Variants in LYVE1 observed in about 807,000 individuals in gnomAD.
LYVE1 encodes lymphatic vessel endothelial hyaluronan receptor 1.
A neutral mutation model predicts 31.5 loss-of-function variants in LYVE1; 29 were observed. The observed-to-expected ratio is 0.92, with a 90% CI of 0.69 to 1.26. LYVE1 has a LOEUF of 1.26. LYVE1 is among the 50% of genes most tolerant of loss of function. The probability of loss-of-function intolerance (pLI) is 0.00; values close to 1 mark genes in which losing one functional copy is unlikely to be tolerated. For missense variants in LYVE1, 376 were observed against 380.2 expected, an observed-to-expected ratio of 0.99 and a Z score of 0.09; for synonymous variants, 134 against 139.4, an observed-to-expected ratio of 0.96 and a Z score of 0.27.
Position 10,564,202 on chromosome 11 carries a change from C to A in LYVE1, c.257+1G>T. 1 of 1,613,908 alleles carries A rather than the reference C, an allele frequency of 6.2e-7. No homozygotes were observed. The highest frequency in any genetic ancestry group is 1.3e-5 in the African/African-American group (1 of 75,054). ...TGACAGTGAAACCAGCTTTTTCTCA[C>A]CTGCAAGTTTCAAAGCTAGCTTTCA... On this transcript the variant is annotated splice_donor_variant, in intron 2 of 5. Coordinates refer to ENST00000256178, the MANE Select transcript of LYVE1 (RefSeq NM_006691.4). LOFTEE classifies it high-confidence loss of function.
Position 10,559,298 on chromosome 11 carries a change from C to T in LYVE1, c.783-1G>A. On this transcript the variant is annotated splice_acceptor_variant, in intron 5 of 5. Transcript: ENST00000256178. LOFTEE classifies it high-confidence loss of function. ...TGTAAAAGGGAAGGCCTTCACATAC[C>T]TTTAGGCAGAAACATGAAATTAAAG... is the stretch of plus-strand genomic sequence containing the variant. 2 of 1,610,170 alleles carry T rather than the reference C, an allele frequency of 1.2e-6. No homozygotes were observed. Among genetic ancestry groups the T allele is most frequent in the Non-Finnish European group, 1.7e-6 (2 of 1,178,490 alleles).
At chr11:10,563,878 C>A in intron 3 of LYVE1, 62 bp downstream of exon 3, 1 of 1,594,870 alleles carries the variant, frequency 6.3e-7, no homozygotes, top group South Asian at 1.1e-5. Flanking sequence ...TCTTCCCAGA[C>A]AGGTCTCAGA....
intron 1 of LYVE1, 124 bp downstream of exon 1, chr11:10,568,324 A>C (rs2134017413): frequency 1.2e-6 from 1 of 807,934 alleles, no homozygotes; most frequent in South Asian, 2.4e-5. Flanking sequence ...GCAGAGCAGT[A>C]CCACCAATTA....
intron 5 of LYVE1, 129 bp downstream of exon 5, chr11:10,559,687 A>G (rs1850378463): frequency 1.4e-6 from 1 of 713,032 alleles, no homozygotes; most frequent in Admixed American, 2.7e-5. Flanking sequence ...AGATGAGATG[A>G]GGGAGAAATT....
chr11:10,563,808 C>T (rs537475886), intron 3 of LYVE1, 132 bp downstream of exon 3: 2 of 1,156,926 alleles, frequency 1.7e-6, no homozygotes, highest in South Asian at 2.8e-5. Context: ...GCCAGAGAGA[C>T]AGTGTCGGGA....
At position 10,568,429 on chromosome 11, in the gene LYVE1, A is replaced by C; in HGVS notation, c.85+19T>G. On this transcript the variant is annotated intron_variant, in intron 1 of 5. Transcript: ENST00000256178. ...GACTGAAGCCTTGCTTCAGTTTGGA[A>C]ATCTGGTGAGAAACCTACCTTCTGC... 1 of 1,612,848 alleles carries C rather than the reference A, an allele frequency of 6.2e-7. No homozygotes were observed. Among genetic ancestry groups the C allele is most frequent in the South Asian group, 1.1e-5 (1 of 90,986 alleles).
chr11:10,567,280 C>T (rs759087709), intron 1 of LYVE1, among the ~76,000 whole-genome samples: 1 of 152,176 alleles, frequency 6.6e-6, no homozygotes, highest in Non-Finnish European at 1.5e-5. Flanking sequence ...CATGGTTATG[C>T]TGACTTTTGG....
Position 10,564,197 on chromosome 11 carries a change from T to G in LYVE1, c.257+6A>C. 6.2e-7 allele frequency: 1 copy of G among 1,613,882 alleles called. No individual in the cohort carries two copies. The highest frequency in any genetic ancestry group is 8.5e-7 in the Non-Finnish European group (1 of 1,179,778). Reference sequence around the variant, plus strand: ...AGCAGTGACAGTGAAACCAGCTTTTTCTCACCTGCAAGTTTCAAAGCTAGC... The same window carrying G: ...AGCAGTGACAGTGAAACCAGCTTTTGCTCACCTGCAAGTTTCAAAGCTAGC... On this transcript the variant is annotated splice_donor_region_variant and intron_variant, in intron 2 of 5. Transcript: ENST00000256178.
At chr11:10,565,217 C>T (rs910577924) in intron 1 of LYVE1, among the ~76,000 whole-genome samples, 1 of 152,168 alleles carries the variant, frequency 6.6e-6, no homozygotes. Flanking sequence ...TTATCATTAT[C>T]GTTAAAGCAT....
rs1029365465 is a variant in LYVE1 at position 10,560,507 on chromosome 11, C to A, written c.691G>T (p.Ala231Ser). The A allele has an allele frequency of 8.1e-6, 13 of 1,606,394 alleles. No homozygotes were observed. In the Admixed American group the frequency reaches 1.5e-4, roughly 19 times the overall value. The change falls in exon 4 of 6, where the codon GCT becomes TCT. Residue 231 changes from alanine to serine, a missense_variant. Transcript: ENST00000256178. ...ENKAAFKNEAAGFGGVPTALL... is the reference protein window; with the variant it reads ...ENKAAFKNEASGFGGVPTALL... ...AGAAACCATTTACCTCCAAACCCAG[C>A]AGCTTCATTCTTGAATGCTGCTTTA...
chr11:10,563,812 G>T, intron 3 of LYVE1, 128 bp downstream of exon 3: 2 of 1,193,306 alleles, frequency 1.7e-6, no homozygotes, highest in Non-Finnish European at 2.4e-6. Flanking sequence ...GAGAGACAGT[G>T]TCGGGAGAAT....
At position 10,557,833 on chromosome 11, in the gene LYVE1, G is replaced by A. The variant is rs1161346147; in HGVS notation, c.*1278C>T. On this transcript the variant is annotated 3_prime_UTR_variant, in exon 6 of 6. Coordinates refer to ENST00000256178, the MANE Select transcript of LYVE1 (RefSeq NM_006691.4). ...GTCCTCACTTTAATTTTACATGAAA[G>A]GTATAATGCATCTACGTAAATAAGA... The A allele has an allele frequency of 6.6e-6, 1 of 152,108 alleles. No individual in the cohort carries two copies. The highest frequency in any genetic ancestry group is 2.4e-5 in the African/African-American group (1 of 41,410). The allele number at this position is 152,108 out of a possible 1,614,324, so 9.4% of individuals were successfully genotyped here.
Position 10,568,528 on chromosome 11 carries a change from G to C in LYVE1, c.5C>G (p.Ala2Gly), listed in dbSNP as rs1199189534. 1 of 1,613,762 alleles carries C rather than the reference G, an allele frequency of 6.2e-7. No individual in the cohort carries two copies. Among genetic ancestry groups the C allele is most frequent in the South Asian group, 1.1e-5 (1 of 91,022 alleles). Residue 2 changes from alanine (A) to glycine (G), a missense_variant, in exon 1 of 6, where the codon GCC becomes GGC. Physicochemically the swap from Ala to Gly is moderately conservative, Grantham distance 60. Transcript: ENST00000256178. ...AAGCAACACCAGGCTGAAGCACCTG[G>C]CCATCGTGCCTACCCCTTCAGAGCC... is the stretch of plus-strand genomic sequence containing the variant. The part of the protein sequence containing the change: M[A>G]RCFSLVLLLT...
intron 1 of LYVE1, 31 bp downstream of exon 1, chr11:10,568,417 C>A: frequency 6.2e-7 from 1 of 1,611,536 alleles, no homozygotes; most frequent in Non-Finnish European, 8.5e-7. Flanking sequence ...TGAAGCCTTG[C>A]TTCAGTTTGG....
intron 4 of LYVE1, among the ~76,000 whole-genome samples, chr11:10,560,226 C>G (rs547029785): frequency 2.0e-5 from 3 of 152,160 alleles, no homozygotes; most frequent in Admixed American, 6.5e-5. Context: ...TTAAAAAGAA[C>G]TTATGCATAG....
chr11:10,558,973 T>C lies in LYVE1; in HGVS notation c.*138A>G. 1 of 751,042 alleles carries C rather than the reference T, an allele frequency of 1.3e-6. No individual in the cohort carries two copies. The highest frequency in any genetic ancestry group is 2.3e-6 in the Non-Finnish European group (1 of 444,026). 46.5% of individuals were successfully genotyped at this position (751,042 alleles called of 1,614,324 possible). ...GGTGCACTCCATAGTCCAATGGCAG[T>C]CCTGAGCTGATTCCAGTTAGGAACC... On this transcript the variant is annotated 3_prime_UTR_variant, in exon 6 of 6. Coordinates refer to ENST00000256178, the MANE Select transcript of LYVE1 (RefSeq NM_006691.4).
chr11:10,566,475 A>G (rs2134014853), intron 1 of LYVE1, among the ~76,000 whole-genome samples: 1 of 152,282 alleles, frequency 6.6e-6, no homozygotes, highest in East Asian at 1.9e-4. Context: ...ATGAACACAC[A>G]CAGACACACA....
intron 1 of LYVE1, 77 bp from the exon 2 acceptor site, chr11:10,564,451 T>C (rs1591515948): frequency 1.4e-6 from 2 of 1,391,610 alleles, no homozygotes; most frequent in East Asian, 2.3e-5. Context: ...CCCAGCAGAG[T>C]ATATCGTCCT....
chr11:10,560,885 C>A, intron 3 of LYVE1, 85 bp from the exon 4 acceptor site: 1 of 1,050,144 alleles, frequency 9.5e-7, no homozygotes, highest in Non-Finnish European at 1.4e-6. Context: ...TACCTCCAAA[C>A]CCCTTATACC....
Sources: allele counts gnomAD v4.1 joint callset (sites outside exome capture counted in the v4.1 genomes callset), GRCh38; gene constraint gnomAD v4.1.1; transcripts MANE v1.5; gene names NCBI Gene and HGNC (gene_info 2026-07-23, HGNC 2026-07-21).